The following SLC19A1 variants were observed in gnomAD, a reference collection of about 807,000 sequenced individuals.
SLC19A1 encodes solute carrier family 19 member 1.
A neutral mutation model predicts 35.3 loss-of-function variants in SLC19A1; 37 were observed. That is an observed-to-expected ratio of 1.05 (90% CI 0.81 to 1.38). The LOEUF is 1.38. Ranked by LOEUF, SLC19A1 falls within the 40% of genes most tolerant of loss-of-function variation. The pLI is 0.00. For synonymous variants in SLC19A1, 460 were observed against 398.5 expected (o/e 1.15, Z -1.84); for missense variants, 831 against 826.9 (o/e 1.00, Z -0.06).
At chr21:45,549,767 G>A (rs1296841512) in intron 1 of SLC19A1, among the ~76,000 whole-genome samples, 1 of 119,732 alleles carries the variant, frequency 8.4e-6, no homozygotes, top group African/African-American at 3.2e-5. Context: ...TGGTGGTGGG[G>A]AGGGGGACAC....
chr21:45,503,578 C>A (rs7281141), intron 3 of SLC19A1, among the ~76,000 whole-genome samples: 38,412 of 142,198 alleles, frequency 0.27, 5,230 homozygotes, highest in African/African-American at 0.36. Context: ...TAGGTGGGAA[C>A]TGAACAATGA....
At chr21:45,510,952 A>C (rs866641293), downstream of SLC19A1, among the ~76,000 whole-genome samples, 1 of 5,180 alleles carries the variant, frequency 1.9e-4, no homozygotes, top group East Asian at 9.4e-3. Context: ...CACACCCACA[A>C]CACCCCACAT....
downstream of SLC19A1, chr21:45,512,224 C>T (rs755088798): frequency 1.5e-5 from 24 of 1,612,320 alleles, 1 homozygote; most frequent in East Asian, 1.6e-4. Flanking sequence ...CGGACCCCAA[C>T]GGGCGCAGGC....
chr21:45,525,678 G>A (rs2077585527), intron 5 of SLC19A1, 139 bp downstream of exon 5: 2 of 882,844 alleles, frequency 2.3e-6, no homozygotes, highest in Admixed American at 2.5e-5. Context: ...GGCCTGGTGT[G>A]TCCCACTGGA....
chr21:45,525,973 CG>C lies in SLC19A1; in HGVS notation c.1152-16del. ...CAATCTGAAAGCTGAACGGGAAGAG[CG>C]GGCAGATCAGGCGCTGCTGGGAGAA... On this transcript the variant is annotated splice_polypyrimidine_tract_variant and intron_variant, in intron 4 of 5. Coordinates refer to ENST00000311124, the MANE Select transcript of SLC19A1 (RefSeq NM_194255.4). 6.2e-7 allele frequency: 1 copy of C among 1,611,464 alleles called. No homozygotes were observed. Among genetic ancestry groups the C allele is most frequent in the Non-Finnish European group, 8.5e-7 (1 of 1,178,936 alleles).
At chr21:45,554,656 C>T in intron 1 of SLC19A1, among the ~76,000 whole-genome samples, 1 of 147,240 alleles carries the variant, frequency 6.8e-6, no homozygotes, top group Non-Finnish European at 1.5e-5. Context: ...CCTTTCAGGC[C>T]GGCGATCCTT....
In SLC19A1 at chr21:45,535,481, C is replaced by T. The variant is rs188971610; in HGVS notation, c.189+2290G>A. Reference sequence around the variant, plus strand: ...GCTGCCAGGAAACACTGGCCCACGGCGGGAGAAATGGCGGCAGAGCAAATG... The same window carrying T: ...GCTGCCAGGAAACACTGGCCCACGGTGGGAGAAATGGCGGCAGAGCAAATG... On this transcript the variant is annotated intron_variant, in intron 2 of 5. Coordinates refer to ENST00000311124, the MANE Select transcript of SLC19A1 (RefSeq NM_194255.4). 4.1e-3 allele frequency among the ~76,000 whole-genome samples: 617 copies of T among 152,320 alleles called. 3 individuals carry two copies. The highest frequency in any genetic ancestry group is 0.014 in the African/African-American group (586 of 41,568).
intron 5 of SLC19A1, 128 bp downstream of exon 5, chr21:45,525,689 A>C (rs2146290129): frequency 2.0e-6 from 2 of 1,003,356 alleles, no homozygotes; most frequent in Non-Finnish European, 2.9e-6. Flanking sequence ...TCCCACTGGA[A>C]GCCCCAGGCC....
chr21:45,508,937 G>A (rs1196851900), downstream of SLC19A1, among the ~76,000 whole-genome samples: 1 of 152,148 alleles, frequency 6.6e-6, no homozygotes, highest in Non-Finnish European at 1.5e-5. Context: ...TCCGGACTGG[G>A]GTGCAGGCCT....
At chr21:45,523,126 G>A (rs981148289) in intron 5 of SLC19A1, among the ~76,000 whole-genome samples, 13 of 152,044 alleles carry the variant, frequency 8.6e-5, no homozygotes, top group Non-Finnish European at 1.9e-4. Flanking sequence ...GCTCCCTCCC[G>A]TCTCCAGACT....
chr21:45,508,693 A>G (rs1223208355), downstream of SLC19A1, among the ~76,000 whole-genome samples: 3 of 152,160 alleles, frequency 2.0e-5, no homozygotes, highest in Non-Finnish European at 4.4e-5. Flanking sequence ...CACAGGGTTC[A>G]GCCCAGTCTG....
Position 45,515,027 on chromosome 21 carries a change from T to G in SLC19A1, c.*631A>C, listed in dbSNP as rs927743994. On this transcript the variant is annotated 3_prime_UTR_variant, in exon 6 of 6. Coordinates refer to ENST00000311124, the MANE Select transcript of SLC19A1 (RefSeq NM_194255.4). The stretch of plus-strand genomic sequence containing the variant: ...AGACAGGACCATGGAGGGCTGCCCT[T>G]AGGGTGGGAGAGAGGAACCAGCTCC... 1.1e-5 allele frequency: 17 copies of G among 1,538,616 alleles called. No homozygotes were observed. Among genetic ancestry groups the G allele is most frequent in the Non-Finnish European group, 1.5e-5 (17 of 1,143,536 alleles).
intron 1 of SLC19A1, among the ~76,000 whole-genome samples, chr21:45,562,034 G>C (rs1466576560): frequency 1.3e-5 from 2 of 151,046 alleles, no homozygotes; most frequent in African/African-American, 4.9e-5. Context: ...AGGAGGCTGA[G>C]GCAGGAGAAT....
intron 1 of SLC19A1, among the ~76,000 whole-genome samples, chr21:45,553,707 GTCCCCCACA>G (rs2078495139): frequency 4.4e-4 from 1 of 2,254 alleles, no homozygotes; most frequent in Non-Finnish European, 6.5e-4. Context: ...CCCCATCCCA[GTCCCCCACA>G]CCCCCTCCCA....
At chr21:45,535,324 G>A (rs1266020156) in intron 2 of SLC19A1, among the ~76,000 whole-genome samples, 1 of 152,206 alleles carries the variant, frequency 6.6e-6, no homozygotes, top group Admixed American at 6.6e-5. Context: ...AACCCTGGAG[G>A]GAAATTTGGC....
At position 45,529,121 on chromosome 21, in the gene SLC19A1, G is replaced by A. The variant is rs374250873; in HGVS notation, c.1151+1649C>T. Among the ~76,000 whole-genome samples the A allele has an allele frequency of 2.0e-3, 299 of 152,324 alleles. 1 individual carries two copies. The highest frequency in any genetic ancestry group is 8.1e-4 in the Non-Finnish European group (55 of 68,026). ...ACGGCAAGAGCCCAGTGTGGGCCTCGGGGAGCCTGGAGAAGGCGGCCACAC... is the reference window on the plus strand; with the variant it reads ...ACGGCAAGAGCCCAGTGTGGGCCTCAGGGAGCCTGGAGAAGGCGGCCACAC... On this transcript the variant is annotated intron_variant, in intron 4 of 5. Coordinates refer to ENST00000311124, the MANE Select transcript of SLC19A1 (RefSeq NM_194255.4).
rs959620880 is a variant in SLC19A1 at position 45,527,957 on chromosome 21, A to T, written c.1152-1999T>A. The stretch of plus-strand genomic sequence containing the variant: ...AAAGTGCTTAAAAAAAAAAAAAAAA[A>T]AGAACTGGACAAAAAATGTCCTAAA... On this transcript the variant is annotated intron_variant, in intron 4 of 5. Transcript: ENST00000311124. Among the ~76,000 whole-genome samples, 52 of 150,956 alleles carry T rather than the reference A, an allele frequency of 3.4e-4. 1 individual carries two copies. The highest frequency in any genetic ancestry group is 1.6e-4 in the Non-Finnish European group (11 of 67,726).
chr21:45,537,275 G>A (rs796679233), intron 2 of SLC19A1, among the ~76,000 whole-genome samples: 10 of 152,238 alleles, frequency 6.6e-5, no homozygotes, highest in African/African-American at 2.4e-4. Context: ...CCGCTGCTGG[G>A]AGTGTGAGAC....
intron 2 of SLC19A1, among the ~76,000 whole-genome samples, chr21:45,537,250 T>C (rs1242164715): frequency 6.6e-6 from 1 of 152,110 alleles, no homozygotes; most frequent in Non-Finnish European, 1.5e-5. Context: ...GCCAGGCCCC[T>C]CCATCTGATG....
Sources: allele counts gnomAD v4.1 joint callset (sites outside exome capture counted in the v4.1 genomes callset), GRCh38; gene constraint gnomAD v4.1.1; transcripts MANE v1.5; gene names NCBI Gene and HGNC (gene_info 2026-07-23, HGNC 2026-07-21).